Variants in THSD4 observed in about 807,000 individuals in gnomAD.
THSD4 encodes thrombospondin type 1 domain containing 4.
A neutral mutation model predicts 119.0 loss-of-function variants in THSD4; 69 were observed. The observed-to-expected ratio is 0.58, with a 90% confidence interval of 0.48 to 0.71. The LOEUF is 0.71. Among genes scored for constraint, THSD4 ranks in the 30% least tolerant of loss-of-function variants. The pLI is 0.00. For synonymous variants in THSD4, 524 were observed against 540.4 expected (o/e 0.97, Z 0.42); for missense variants, 1,393 against 1,391.1 (o/e 1.00, Z -0.02).
chr15:71,623,283 A>G (rs2050451005), intron 7 of THSD4, among the ~76,000 whole-genome samples: 1 of 152,164 alleles, frequency 6.6e-6, no homozygotes, highest in African/African-American at 2.4e-5. Flanking sequence ...AACAACTACC[A>G]TTTATTGAAT....
At chr15:71,669,722 T>G (rs573488340) in intron 8 of THSD4, among the ~76,000 whole-genome samples, 14 of 152,190 alleles carry the variant, frequency 9.2e-5, no homozygotes, top group Non-Finnish European at 2.1e-4. Flanking sequence ...CACAATTACT[T>G]TCATCTGTTT....
At chr15:71,196,334 G>A (rs2043719185) in intron 3 of THSD4, among the ~76,000 whole-genome samples, 1 of 152,158 alleles carries the variant, frequency 6.6e-6, no homozygotes, top group African/African-American at 2.4e-5. Context: ...ATAAATCACA[G>A]AACCAGCGTT....
intron 7 of THSD4, among the ~76,000 whole-genome samples, chr15:71,478,028 C>T (rs1172422607): frequency 6.6e-6 from 1 of 152,238 alleles, no homozygotes; most frequent in Non-Finnish European, 1.5e-5. Flanking sequence ...ACCTGTGCAA[C>T]TGCTTGCTGC....
chr15:71,727,587 T>TATACAC (rs2052882975), intron 8 of THSD4, among the ~76,000 whole-genome samples: 1 of 9,280 alleles, frequency 1.1e-4, no homozygotes, highest in African/African-American at 2.5e-4. Context: ...TATATATATA[T>TATACAC]ACACACACAC....
chr15:71,218,026 C>G (rs771058310), intron 4 of THSD4, among the ~76,000 whole-genome samples: 1 of 151,880 alleles, frequency 6.6e-6, no homozygotes, highest in Non-Finnish European at 1.5e-5. Context: ...CCCGCTTCGG[C>G]CTCCCAAAGT....
At chr15:71,532,283 A>AGAGAGAGAGAGTGT (rs1379506089) in intron 7 of THSD4, among the ~76,000 whole-genome samples, 61 of 101,642 alleles carry the variant, frequency 6.0e-4, no homozygotes, top group African/African-American at 1.1e-3. Flanking sequence ...AGAGAGAGAG[A>AGAGAGAGAGAGTGT]GTGTGTGTGT....
At chr15:71,724,091 GA>G (rs2052774775) in intron 8 of THSD4, among the ~76,000 whole-genome samples, 1 of 121,810 alleles carries the variant, frequency 8.2e-6, no homozygotes, top group Non-Finnish European at 1.7e-5. Context: ...AAAAAAAAAT[GA>G]ATAGAACTTG....
intron 7 of THSD4, among the ~76,000 whole-genome samples, chr15:71,424,988 C>T (rs1198380922): frequency 6.6e-6 from 1 of 152,110 alleles, no homozygotes; most frequent in Admixed American, 6.5e-5. Context: ...GATCCTGAGT[C>T]AGAATGACCC....
At position 71,639,370 on chromosome 15, in the gene THSD4, A is replaced by G. The variant is rs116639421; in HGVS notation, c.1153-21160A>G. On this transcript the variant is annotated intron_variant, in intron 7 of 17. Coordinates refer to ENST00000261862, the MANE Select transcript of THSD4 (RefSeq NM_024817.3). ...CATTCACTTAAGCTCATAGAATATC[A>G]TTATTTGATGTAAAATGCCCCCATT... 3.0e-3 allele frequency among the ~76,000 whole-genome samples: 455 copies of G among 152,314 alleles called. 3 individuals carry two copies. Among genetic ancestry groups the G allele is most frequent in the African/African-American group, 0.011 (438 of 41,574 alleles).
intron 2 of THSD4, among the ~76,000 whole-genome samples, chr15:71,146,943 G>C (rs935401624): frequency 1.3e-5 from 2 of 152,140 alleles, no homozygotes; most frequent in East Asian, 1.9e-4. Flanking sequence ...TACCCAAAAA[G>C]GCTCAATGGA....
At chr15:71,312,449 G>GA (rs2045124826) in intron 6 of THSD4, among the ~76,000 whole-genome samples, 1 of 152,130 alleles carries the variant, frequency 6.6e-6, no homozygotes, top group Non-Finnish European at 1.5e-5. Context: ...GACATACAGA[G>GA]ACACCAGGGC....
At chr15:71,603,142 T>G (rs2050044960) in intron 7 of THSD4, among the ~76,000 whole-genome samples, 1 of 152,242 alleles carries the variant, frequency 6.6e-6, no homozygotes, top group Non-Finnish European at 1.5e-5. Flanking sequence ...ACAGGTACAA[T>G]GTAGAACTGA....
intron 7 of THSD4, among the ~76,000 whole-genome samples, chr15:71,520,577 A>T (rs1164844158): frequency 6.6e-6 from 1 of 152,156 alleles, no homozygotes; most frequent in African/African-American, 2.4e-5. Flanking sequence ...CATTTCTGGG[A>T]TGTTTTACTG....
At chr15:71,497,118 C>T (rs905031665) in intron 7 of THSD4, among the ~76,000 whole-genome samples, 1 of 152,096 alleles carries the variant, frequency 6.6e-6, no homozygotes. Context: ...ATTGTTGCAC[C>T]CAAAATGAAA....
chr15:71,309,588 C>T (rs187768559), intron 6 of THSD4, among the ~76,000 whole-genome samples: 12 of 152,254 alleles, frequency 7.9e-5, no homozygotes, highest in East Asian at 1.9e-4. Context: ...GAGGCCATAA[C>T]GATTTACACT....
intron 8 of THSD4, among the ~76,000 whole-genome samples, chr15:71,724,732 C>T (rs1046072941): frequency 3.9e-5 from 6 of 152,090 alleles, no homozygotes; most frequent in African/African-American, 1.4e-4. Context: ...GATGAGATCT[C>T]ATGGTAGCCT....
intron 7 of THSD4, among the ~76,000 whole-genome samples, chr15:71,630,132 G>GT (rs1409384823): frequency 4.6e-5 from 7 of 152,044 alleles, no homozygotes; most frequent in Non-Finnish European, 8.8e-5. Flanking sequence ...ACACTCTAAA[G>GT]TCCCCCAGTA....
intron 7 of THSD4, among the ~76,000 whole-genome samples, chr15:71,459,824 T>C (rs1322166645): frequency 6.6e-6 from 1 of 152,232 alleles, no homozygotes; most frequent in African/African-American, 2.4e-5. Context: ...AGTGGGTTAA[T>C]ACGTTCTAGG....
chr15:71,519,383 G>A (rs117000204), intron 7 of THSD4, among the ~76,000 whole-genome samples: 7 of 152,082 alleles, frequency 4.6e-5, no homozygotes, highest in Middle Eastern at 3.4e-3. Context: ...TTTTTGAGAC[G>A]GAGTCTCTCA....
Sources: allele counts gnomAD v4.1 joint callset (sites outside exome capture counted in the v4.1 genomes callset), GRCh38; gene constraint gnomAD v4.1.1; transcripts MANE v1.5; gene names NCBI Gene and HGNC (gene_info 2026-07-23, HGNC 2026-07-21).